Variants in CHCHD3 observed in about 807,000 individuals in gnomAD.
CHCHD3 encodes the protein coiled-coil-helix-coiled-coil-helix domain containing 3.
CHCHD3 carries 20 observed loss-of-function variants against 38.2 expected under a neutral mutation model. The ratio of observed to expected loss-of-function variants is 0.52; its 90% CI spans 0.37 to 0.76. The LOEUF is 0.76. Among genes scored for constraint, CHCHD3 ranks in the 30% least tolerant of loss-of-function variants. CHCHD3 has a pLI of 0.00. For missense variants in CHCHD3, 245 were observed against 279.2 expected (o/e 0.88, Z 0.87); for synonymous variants, 82 against 100.0 (o/e 0.82, Z 1.07).
intron 3 of CHCHD3, among the ~76,000 whole-genome samples, chr7:133,012,762 T>C (rs1045093143): frequency 1.5e-5 from 2 of 132,722 alleles, no homozygotes; most frequent in Admixed American, 1.6e-4. Context: ...AAATCCTGTC[T>C]CAAAACTAAG....
intron 4 of CHCHD3, among the ~76,000 whole-genome samples, chr7:132,917,038 T>TA (rs1284973834): frequency 4.6e-5 from 7 of 152,212 alleles, no homozygotes; most frequent in Admixed American, 1.3e-4. Flanking sequence ...GCATTTATAA[T>TA]AAAGTCTGAG....
At chr7:132,809,774 A>G (rs1224996445) in intron 6 of CHCHD3, among the ~76,000 whole-genome samples, 1 of 152,176 alleles carries the variant, frequency 6.6e-6, no homozygotes, top group Non-Finnish European at 1.5e-5. Context: ...TTCCCAAGCT[A>G]TGTTATACAA....
At chr7:132,995,972 T>C (rs967586368) in intron 3 of CHCHD3, among the ~76,000 whole-genome samples, 1 of 152,182 alleles carries the variant, frequency 6.6e-6, no homozygotes, top group Non-Finnish European at 1.5e-5. Flanking sequence ...TAGTAGTTGT[T>C]AGTCCCCATT....
At chr7:133,047,964 T>C (rs1814043356) in intron 2 of CHCHD3, among the ~76,000 whole-genome samples, 1 of 152,086 alleles carries the variant, frequency 6.6e-6, no homozygotes, top group African/African-American at 2.4e-5. Flanking sequence ...GGCACATGCC[T>C]GTAATCCCAA....
Position 132,963,428 on chromosome 7 carries a change from G to A in CHCHD3, c.369+11741C>T, listed in dbSNP as rs866047303. The stretch of plus-strand genomic sequence containing the variant: ...GGGCGGATCACGAGGTCGGGAGATC[G>A]AGACCATCCTGGCTAACACGGTGAA... On this transcript the variant is annotated intron_variant, in intron 4 of 7. Coordinates refer to ENST00000262570, the MANE Select transcript of CHCHD3 (RefSeq NM_017812.4). 7.6e-5 allele frequency among the ~76,000 whole-genome samples: 11 copies of A among 144,002 alleles called. No homozygotes were observed. In the East Asian group the frequency reaches 1.0e-3, roughly 13 times the overall value. The allele number at this position is 144,002 out of a possible 152,430, so 94.5% of individuals were successfully genotyped here. A position where few individuals can be genotyped will look rare whatever the true frequency, so the allele number is the denominator to read the frequency against.
chr7:132,977,411 G>A (rs901770104), intron 3 of CHCHD3, among the ~76,000 whole-genome samples: 1 of 152,150 alleles, frequency 6.6e-6, no homozygotes, highest in Non-Finnish European at 1.5e-5. Context: ...ATAAATCCTG[G>A]AGGTAAATGA....
At chr7:132,888,450 A>G (rs1226084936) in intron 4 of CHCHD3, among the ~76,000 whole-genome samples, 1 of 151,868 alleles carries the variant, frequency 6.6e-6, no homozygotes, top group Non-Finnish European at 1.5e-5. Context: ...CATAAATTTT[A>G]AAAATGAATA....
At chr7:132,901,435 A>T (rs1420372423) in intron 4 of CHCHD3, among the ~76,000 whole-genome samples, 1 of 152,206 alleles carries the variant, frequency 6.6e-6, no homozygotes, top group East Asian at 1.9e-4. Context: ...ACATGCCATC[A>T]TCTGCCCATT....
Position 132,975,089 on chromosome 7 carries a change from G to T in CHCHD3, c.369+80C>A, listed in dbSNP as rs935066277. The T allele has an allele frequency of 2.8e-6, 3 of 1,071,692 alleles. No individual in the cohort carries two copies. In the African/African-American group the frequency reaches 4.7e-5, roughly 17 times the overall value. The allele number at this position is 1,071,692 out of a possible 1,614,324, so 66.4% of individuals were successfully genotyped here. On this transcript the variant is annotated intron_variant, in intron 4 of 7. Coordinates refer to ENST00000262570, the MANE Select transcript of CHCHD3 (RefSeq NM_017812.4). ...ATAATATTATCAACACTAAAAGCTG[G>T]CACAGAGTACTTAGCTCTTCCCAAA... is the stretch of plus-strand genomic sequence containing the variant.
intron 6 of CHCHD3, among the ~76,000 whole-genome samples, chr7:132,817,788 TCACTTGACCCAGGAGGTC>T (rs1317302230): frequency 2.3e-4 from 35 of 151,784 alleles, no homozygotes; most frequent in East Asian, 5.8e-4. Flanking sequence ...CCCAGGAGGA[TCACTTGACCCAGGAGGTC>T]CACTTGACCC....
chr7:132,966,241 T>C (rs1049648718), intron 4 of CHCHD3, among the ~76,000 whole-genome samples: 6 of 152,218 alleles, frequency 3.9e-5, no homozygotes, highest in African/African-American at 1.4e-4. Context: ...TGCCGTTTGG[T>C]ATTTTCAAGA....
Position 133,035,322 on chromosome 7 carries a change from A to G in CHCHD3, c.170-10695T>C. On this transcript the variant is annotated intron_variant, in intron 2 of 7. Coordinates refer to ENST00000262570, the MANE Select transcript of CHCHD3 (RefSeq NM_017812.4). This position sits in a 1 kb window ranked among gnomAD's most constrained non-coding sequence, Gnocchi z 4.7. ...TTTCAGTTCCCCCAAGACAGCCCGGAACTGGGGCTGGTTAATGCAGGTGAG... is the reference window on the plus strand; with the variant it reads ...TTTCAGTTCCCCCAAGACAGCCCGGGACTGGGGCTGGTTAATGCAGGTGAG... 6.2e-7 allele frequency: 1 copy of G among 1,610,346 alleles called. No individual in the cohort carries two copies. The highest frequency in any genetic ancestry group is 8.5e-7 in the Non-Finnish European group (1 of 1,176,718).
At chr7:132,877,614 A>G (rs1205378240) in intron 5 of CHCHD3, among the ~76,000 whole-genome samples, 1 of 152,242 alleles carries the variant, frequency 6.6e-6, no homozygotes, top group African/African-American at 2.4e-5. Flanking sequence ...GAGTAACTCA[A>G]TGTACACAAT....
chr7:132,810,382 T>C (rs531612015), intron 6 of CHCHD3, among the ~76,000 whole-genome samples: 24 of 152,334 alleles, frequency 1.6e-4, no homozygotes, highest in African/African-American at 5.1e-4. Context: ...ATGTTTCTCT[T>C]TTTGTTCTGA....
chr7:132,968,955 C>T (rs2117321167), intron 4 of CHCHD3, among the ~76,000 whole-genome samples: 1 of 152,254 alleles, frequency 6.6e-6, no homozygotes, highest in South Asian at 2.1e-4. Context: ...GAAATTTCAA[C>T]TGTCACAGTT....
At chr7:132,984,687 A>C (rs922957338) in intron 3 of CHCHD3, among the ~76,000 whole-genome samples, 3 of 149,630 alleles carry the variant, frequency 2.0e-5, no homozygotes, top group African/African-American at 7.4e-5. Flanking sequence ...CCCGTCTGGG[A>C]TGTGAGGAGC....
At chr7:133,066,915 A>G (rs918273282) in intron 2 of CHCHD3, among the ~76,000 whole-genome samples, 2 of 152,206 alleles carry the variant, frequency 1.3e-5, no homozygotes, top group Non-Finnish European at 2.9e-5. Flanking sequence ...CTTCATTCCA[A>G]CTAGTTTCTA....
At chr7:132,915,045 C>T (rs1375568056) in intron 4 of CHCHD3, among the ~76,000 whole-genome samples, 1 of 151,586 alleles carries the variant, frequency 6.6e-6, no homozygotes, top group East Asian at 1.9e-4. Context: ...GCCTGTAGTC[C>T]CAGCTATTAG....
At chr7:132,831,138 G>A (rs1442472467) in intron 6 of CHCHD3, among the ~76,000 whole-genome samples, 1 of 152,128 alleles carries the variant, frequency 6.6e-6, no homozygotes, top group Non-Finnish European at 1.5e-5. Flanking sequence ...CATTATGAAG[G>A]AGACATCTTT....
Sources: gnomAD v4.1 joint callset for allele counts (sites outside exome capture counted in the v4.1 genomes callset) on GRCh38, gnomAD v4.1.1 for gene constraint, Gnocchi (gnomAD v3.1) non-coding constraint, MANE v1.5 for transcripts, NCBI Gene and HGNC (gene_info 2026-07-23, HGNC 2026-07-21) for gene names.